Variants in EPHB1 observed in about 807,000 individuals in gnomAD.
EPHB1 encodes the protein ephrin type-B receptor 1.
EPHB1 carries 30 observed loss-of-function variants against 94.4 expected under a neutral mutation model. The ratio of observed to expected loss-of-function variants is 0.32; its 90% CI spans 0.24 to 0.43. The LOEUF (loss-of-function observed/expected upper bound fraction) is 0.43. Among genes scored for constraint, EPHB1 ranks in the 20% least tolerant of loss-of-function variants. The pLI is 1.00. For synonymous variants in EPHB1, 522 were observed against 489.1 expected, an observed-to-expected ratio of 1.07 and a Z score of -0.89; for missense variants, 1,055 against 1,308.3, an observed-to-expected ratio of 0.81 and a Z score of 2.99.
intron 1 of EPHB1, among the ~76,000 whole-genome samples, chr3:134,867,729 G>T (rs1299229647): frequency 2.0e-5 from 3 of 152,144 alleles, no homozygotes; most frequent in Non-Finnish European, 4.4e-5. Flanking sequence ...TGGGGATGGA[G>T]GTTCCCATTC....
chr3:134,862,499 CAA>C lies in EPHB1; in HGVS notation c.59-63304_59-63303del, dbSNP rs11315176. On this transcript the variant is annotated intron_variant, in intron 1 of 15. Transcript: ENST00000398015. ...TCATTTTGTTCAAATCTTGTAAGCT[CAA>C]AAAAAAAAAAAAGAAAAAGAAAAAT... Among the ~76,000 whole-genome samples the C allele has an allele frequency of 8.1e-3, 1,083 of 133,788 alleles. 7 individuals carry two copies. Among genetic ancestry groups the C allele is most frequent in the South Asian group, 0.021 (90 of 4,200 alleles). The allele number at this position is 133,788 out of a possible 152,430, so 87.8% of individuals were successfully genotyped here.
At chr3:135,110,573 A>G (rs1939400492) in intron 4 of EPHB1, among the ~76,000 whole-genome samples, 1 of 152,180 alleles carries the variant, frequency 6.6e-6, no homozygotes, top group Admixed American at 6.5e-5. Flanking sequence ...CTGGAACTCA[A>G]ATTACGAGGT....
chr3:134,916,488 G>A (rs1159430859), intron 1 of EPHB1, among the ~76,000 whole-genome samples: 1 of 152,248 alleles, frequency 6.6e-6, no homozygotes, highest in Non-Finnish European at 1.5e-5. Context: ...GCGGGCTGCA[G>A]GTCCCGAGCC....
intron 3 of EPHB1, among the ~76,000 whole-genome samples, chr3:134,971,576 C>T (rs1933970247): frequency 6.6e-6 from 1 of 152,196 alleles, no homozygotes; most frequent in South Asian, 2.1e-4. Context: ...GGATGAGAGG[C>T]AGGCCCTGGC....
chr3:135,168,805 C>T (rs1376552024), intron 9 of EPHB1, among the ~76,000 whole-genome samples: 1 of 152,096 alleles, frequency 6.6e-6, no homozygotes, highest in Admixed American at 6.5e-5. Context: ...TAGAGGTGGT[C>T]ATGTCAGTCT....
In EPHB1 at chr3:135,187,553, G is replaced by A. The variant is rs530311088; in HGVS notation, c.1883-5023G>A. Among the ~76,000 whole-genome samples the A allele has an allele frequency of 5.9e-5, 9 of 152,254 alleles. No individual in the cohort carries two copies. In the East Asian group the frequency reaches 1.5e-3, roughly 26 times the overall value. ...ATTAAACTGAAGTCAAAGATCACAG[G>A]CGACAGCAATTTCTTAGATTGTAAG... is the stretch of plus-strand genomic sequence containing the variant. On this transcript the variant is annotated intron_variant, in intron 10 of 15. Transcript: ENST00000398015.
intron 1 of EPHB1, among the ~76,000 whole-genome samples, chr3:134,853,407 T>G (rs13095424): frequency 1.3e-5 from 2 of 152,114 alleles, no homozygotes; most frequent in African/African-American, 4.8e-5. Flanking sequence ...GTGGCAGACA[T>G]GTTTTGGGGA....
At chr3:135,249,293 A>G (rs1459669930) in intron 14 of EPHB1, 43 bp from the exon 15 acceptor site, 2 of 1,578,894 alleles carry the variant, frequency 1.3e-6, no homozygotes, top group Middle Eastern at 1.8e-4. Flanking sequence ...CTGTCCATGC[A>G]TCTCTGCAAT....
rs187130566 is a variant in EPHB1 at position 135,034,916 on chromosome 3, C to T, written c.806-71532C>T. ...GGATGCACAGCCAGAGGAAGGAGGA[C>T]GATGGACAAGGAGGCTGTCATCTGG... is the stretch of plus-strand genomic sequence containing the variant. On this transcript the variant is annotated intron_variant, in intron 3 of 15. Transcript: ENST00000398015. Among the ~76,000 whole-genome samples the T allele has an allele frequency of 5.2e-3, 798 of 152,320 alleles. 9 individuals carry two copies. The highest frequency in any genetic ancestry group is 0.018 in the African/African-American group (749 of 41,576).
chr3:135,182,008 A>G (rs1469561885), intron 10 of EPHB1, among the ~76,000 whole-genome samples: 1 of 152,208 alleles, frequency 6.6e-6, no homozygotes, highest in African/African-American at 2.4e-5. Flanking sequence ...GCAGAGACCC[A>G]TCTCCTTGTA....
At chr3:135,105,530 G>A (rs1318193408) in intron 3 of EPHB1, among the ~76,000 whole-genome samples, 1 of 152,184 alleles carries the variant, frequency 6.6e-6, no homozygotes, top group East Asian at 1.9e-4. Context: ...GAAGAGACCA[G>A]ATGTCTGGGC....
chr3:135,054,151 C>G (rs1194133542), intron 3 of EPHB1, among the ~76,000 whole-genome samples: 1 of 151,750 alleles, frequency 6.6e-6, no homozygotes, highest in Non-Finnish European at 1.5e-5. Flanking sequence ...AGCAGATTAT[C>G]CCCCATAATG....
At chr3:135,255,099 C>T (rs1444460287) in intron 15 of EPHB1, among the ~76,000 whole-genome samples, 2 of 150,190 alleles carry the variant, frequency 1.3e-5, no homozygotes, top group African/African-American at 5.0e-5. Context: ...TATTTGATTC[C>T]TCTCTCTTTT....
intron 1 of EPHB1, among the ~76,000 whole-genome samples, chr3:134,894,996 C>A (rs1217110001): frequency 6.6e-6 from 1 of 152,220 alleles, no homozygotes; most frequent in Non-Finnish European, 1.5e-5. Context: ...GGAGTGGCTG[C>A]CTCCAGCCTT....
At chr3:135,088,549 A>T (rs1938442308) in intron 3 of EPHB1, among the ~76,000 whole-genome samples, 1 of 152,214 alleles carries the variant, frequency 6.6e-6, no homozygotes, top group African/African-American at 2.4e-5. Flanking sequence ...ACCCAGGTGC[A>T]TTCTACTTCG....
intron 15 of EPHB1, among the ~76,000 whole-genome samples, chr3:135,252,136 C>CA (rs200128803): frequency 0.012 from 1,873 of 151,658 alleles, 40 homozygotes; most frequent in African/African-American, 0.043. Flanking sequence ...AGCATGCACA[C>CA]AAAAAAATTG....
intron 5 of EPHB1, among the ~76,000 whole-genome samples, chr3:135,136,474 GTTTTGT>G (rs1276089557): frequency 6.6e-6 from 1 of 152,184 alleles, no homozygotes; most frequent in Non-Finnish European, 1.5e-5. Context: ...CCTACCAAGT[GTTTTGT>G]TTTTGTTTTT....
At position 135,248,510 on chromosome 3, in the gene EPHB1, G is replaced by C; in HGVS notation, c.2690+1G>C. The C allele has an allele frequency of 6.3e-7, 1 of 1,585,500 alleles. No individual in the cohort carries two copies. Among genetic ancestry groups the C allele is most frequent in the Non-Finnish European group, 8.6e-7 (1 of 1,160,922 alleles). Reference sequence around the variant, plus strand: ...AGACTGTGGCAACCATCACCGCCGTGTGAGTCTAGTGAAACGGTGATCCCT... The same window carrying C: ...AGACTGTGGCAACCATCACCGCCGTCTGAGTCTAGTGAAACGGTGATCCCT... On this transcript the variant is annotated splice_donor_variant, in intron 14 of 15. Transcript: ENST00000398015. LOFTEE classifies it high-confidence loss of function.
intron 3 of EPHB1, among the ~76,000 whole-genome samples, chr3:135,091,120 CAG>C (rs1261451308): frequency 6.6e-6 from 1 of 152,186 alleles, no homozygotes; most frequent in Non-Finnish European, 1.5e-5. Context: ...CTGATGCACA[CAG>C]AGAGAATAAT....
Sources: gnomAD v4.1 joint callset for allele counts (sites outside exome capture counted in the v4.1 genomes callset) on GRCh38, gnomAD v4.1.1 for gene constraint, MANE v1.5 for transcripts, NCBI Gene and HGNC (gene_info 2026-07-23, HGNC 2026-07-21) for gene names.